FAM83B: variants seen among roughly 807,000 people sequenced by gnomAD.
FAM83B encodes the protein protein FAM83B.
A neutral mutation model predicts 38.8 loss-of-function variants in FAM83B; 26 were observed. That is an observed-to-expected ratio of 0.67 (90% CI 0.49 to 0.93). The LOEUF (loss-of-function observed/expected upper bound fraction) is 0.93. FAM83B is among the 40% of genes least tolerant of loss of function. FAM83B has a pLI of 0.00. For missense variants in FAM83B, 1,237 were observed against 1,197.3 expected (o/e 1.03, Z -0.49); for synonymous variants, 419 against 423.1 (o/e 0.99, Z 0.12).
chr6:54,854,001 AGAAAGGTT>A (rs1431076131), intron 1 of FAM83B, among the ~76,000 whole-genome samples: 2 of 152,228 alleles, frequency 1.3e-5, no homozygotes, highest in African/African-American at 4.8e-5. Flanking sequence ...TAGATGTCTT[AGAAAGGTT>A]CAAGACTTTT....
intron 1 of FAM83B, among the ~76,000 whole-genome samples, chr6:54,867,621 A>G (rs1771742379): frequency 6.6e-6 from 1 of 152,000 alleles, no homozygotes; most frequent in Non-Finnish European, 1.5e-5. Context: ...TCTTATTTCC[A>G]ATTTTTTTCT....
chr6:54,941,536 A>G lies in FAM83B; in HGVS notation c.2565A>G (p.Gln855=). ...SKEDVTVSPS[Q]EINAPPDENK... Reference sequence around the variant, plus strand: ...AAGATGTAACAGTTAGCCCATCTCAAGAGATAAATGCTCCACCAGATGAAA... The same window carrying G: ...AAGATGTAACAGTTAGCCCATCTCAGGAGATAAATGCTCCACCAGATGAAA... The change falls in exon 5 of 5, where the codon CAA becomes CAG. Residue 855 remains glutamine (Q), a synonymous_variant. Coordinates refer to ENST00000306858, the MANE Select transcript of FAM83B (RefSeq NM_001010872.3). The G allele has an allele frequency of 6.2e-7, 1 of 1,614,096 alleles. No homozygotes were observed. Among genetic ancestry groups the G allele is most frequent in the Non-Finnish European group, 8.5e-7 (1 of 1,180,002 alleles).
intron 1 of FAM83B, among the ~76,000 whole-genome samples, chr6:54,849,992 T>G (rs1291678060): frequency 3.9e-5 from 6 of 152,206 alleles, no homozygotes; most frequent in Admixed American, 3.3e-4. Flanking sequence ...ACTATCCCTT[T>G]GATTAAACAT....
In FAM83B at chr6:54,926,458, A is replaced by G; in HGVS notation, c.532A>G (p.Ile178Val). Residue 178 changes from isoleucine to valine, a missense_variant, in exon 3 of 5, where the codon ATT (isoleucine) becomes GTT (valine). Coordinates refer to ENST00000306858, the MANE Select transcript of FAM83B (RefSeq NM_001010872.3). ...EASTRGVSVY[I>V]LLDESNFNHF... ...ATCAACTCGAGGAGTATCTGTTTACATTCTGCTTGATGAGTCCAATTTTAA... is the reference window on the plus strand; with the variant it reads ...ATCAACTCGAGGAGTATCTGTTTACGTTCTGCTTGATGAGTCCAATTTTAA... 2 of 1,611,142 alleles carry G rather than the reference A, an allele frequency of 1.2e-6. No homozygotes were observed. The highest frequency in any genetic ancestry group is 1.7e-5 in the Admixed American group (1 of 59,942).
intron 2 of FAM83B, among the ~76,000 whole-genome samples, chr6:54,909,324 C>G (rs573262252): frequency 6.6e-6 from 1 of 152,256 alleles, no homozygotes; most frequent in African/African-American, 2.4e-5. Flanking sequence ...ATATTCCAAT[C>G]CAACTCCCTC....
At chr6:54,926,574 T>G in intron 3 of FAM83B, 39 bp downstream of exon 3, 5 of 1,466,948 alleles carry the variant, frequency 3.4e-6, no homozygotes, top group Non-Finnish European at 4.6e-6. Flanking sequence ...GTATTTTATG[T>G]GTCATTTTCA....
intron 4 of FAM83B, among the ~76,000 whole-genome samples, chr6:54,937,844 A>G (rs1031718458): frequency 2.6e-5 from 4 of 152,100 alleles, no homozygotes; most frequent in African/African-American, 9.7e-5. Flanking sequence ...CAGATGTAAA[A>G]TACACAGCAA....
At position 54,942,114 on chromosome 6, in the gene FAM83B, T is replaced by C; in HGVS notation, c.*107T>C. On this transcript the variant is annotated 3_prime_UTR_variant, in exon 5 of 5. Coordinates refer to ENST00000306858, the MANE Select transcript of FAM83B (RefSeq NM_001010872.3). Reference sequence around the variant, plus strand: ...TTTCCTAAGGACAGAATTATGGGTATGATGTATATGTTCACCAGTGTCCTA... The same window carrying C: ...TTTCCTAAGGACAGAATTATGGGTACGATGTATATGTTCACCAGTGTCCTA... The C allele has an allele frequency of 9.0e-7, 1 of 1,108,240 alleles. No homozygotes were observed. The highest frequency in any genetic ancestry group is 1.3e-6 in the Non-Finnish European group (1 of 784,888). 68.7% of individuals were successfully genotyped at this position (1,108,240 alleles called of 1,614,324 possible).
chr6:54,918,160 C>T (rs1047461686), intron 2 of FAM83B, among the ~76,000 whole-genome samples: 3 of 152,074 alleles, frequency 2.0e-5, no homozygotes, highest in Admixed American at 6.6e-5. Flanking sequence ...TATTAGAATA[C>T]TATAACATAC....
chr6:54,875,930 T>C (rs7776195), intron 2 of FAM83B, among the ~76,000 whole-genome samples: 2,630 of 152,220 alleles, frequency 0.017, 90 homozygotes, highest in African/African-American at 0.059. Flanking sequence ...ATCTATTTTA[T>C]GTTTGTTGAA....
At chr6:54,880,142 A>G (rs1023679544) in intron 2 of FAM83B, among the ~76,000 whole-genome samples, 4 of 152,212 alleles carry the variant, frequency 2.6e-5, no homozygotes, top group Non-Finnish European at 5.9e-5. Flanking sequence ...GCTAATTCAT[A>G]CAGATGGGGG....
At chr6:54,928,357 G>A (rs918738572) in intron 4 of FAM83B, among the ~76,000 whole-genome samples, 1 of 152,124 alleles carries the variant, frequency 6.6e-6, no homozygotes, top group Non-Finnish European at 1.5e-5. Context: ...ATGAGAAGGA[G>A]GTATCACATT....
At chr6:54,894,216 A>G (rs239853) in intron 2 of FAM83B, among the ~76,000 whole-genome samples, 34,833 of 152,120 alleles carry the variant, frequency 0.23, 5,098 homozygotes, top group African/African-American at 0.41. Flanking sequence ...CAGGGATTGT[A>G]GTGTCCATTG....
At chr6:54,890,992 G>A (rs9464158) in intron 2 of FAM83B, among the ~76,000 whole-genome samples, 8,930 of 151,716 alleles carry the variant, frequency 0.059, 845 homozygotes, top group African/African-American at 0.2. Flanking sequence ...AGCCTCCTGC[G>A]ATTCCATTTA....
chr6:54,925,393 G>T (rs538835081), intron 2 of FAM83B, among the ~76,000 whole-genome samples: 1 of 152,246 alleles, frequency 6.6e-6, no homozygotes, highest in African/African-American at 2.4e-5. Context: ...ATGGCCCATA[G>T]TAGGTGGTCA....
chr6:54,911,067 T>C (rs1187914740), intron 2 of FAM83B, among the ~76,000 whole-genome samples: 1 of 151,976 alleles, frequency 6.6e-6, no homozygotes, highest in African/African-American at 2.4e-5. Flanking sequence ...CTTTTCTTAG[T>C]CTGTTTTCTA....
chr6:54,940,802 A>G lies in FAM83B; in HGVS notation c.1831A>G (p.Met611Val). The G allele has an allele frequency of 6.2e-7, 1 of 1,614,052 alleles. No homozygotes were observed. The highest frequency in any genetic ancestry group is 1.1e-5 in the South Asian group (1 of 91,080). Residue 611 changes from methionine (M) to valine (V), a missense_variant, in exon 5 of 5, where the codon ATG (methionine) becomes GTG (valine). Coordinates refer to ENST00000306858, the MANE Select transcript of FAM83B (RefSeq NM_001010872.3). ...CCCATTGCAGTCAGAGGCACCAAAA[A>G]TGCACACCTTGCAGGTTCCTGAAAA... ...KLPLQSEAPK[M>V]HTLQVPENHS...
intron 4 of FAM83B, among the ~76,000 whole-genome samples, chr6:54,937,936 A>G (rs1047376604): frequency 1.3e-5 from 2 of 151,930 alleles, no homozygotes; most frequent in African/African-American, 4.8e-5. Context: ...TTGCATGGAT[A>G]AGTTCTTTAG....
intron 1 of FAM83B, among the ~76,000 whole-genome samples, chr6:54,852,198 T>C (rs967339006): frequency 6.6e-6 from 1 of 152,238 alleles, no homozygotes; most frequent in Non-Finnish European, 1.5e-5. Flanking sequence ...TGCTTTGCTT[T>C]ATGGTACTTT....
Sources: gnomAD v4.1 joint callset for allele counts (sites outside exome capture counted in the v4.1 genomes callset) on GRCh38, gnomAD v4.1.1 for gene constraint, MANE v1.5 for transcripts, NCBI Gene and HGNC (gene_info 2026-07-23, HGNC 2026-07-21) for gene names.